Variants in QKI observed in about 807,000 individuals in gnomAD.
QKI encodes KH domain-containing RNA-binding protein QKI.
A neutral mutation model predicts 39.0 loss-of-function variants in QKI; 10 were observed. The ratio of observed to expected loss-of-function variants is 0.26; its 90% CI spans 0.16 to 0.43. The LOEUF (loss-of-function observed/expected upper bound fraction) is 0.43, where lower values mean the gene tolerates loss of function less well. QKI is among the 20% of genes least tolerant of loss of function. The pLI is 1.00. For missense variants in QKI, 218 were observed against 428.0 expected (o/e 0.51, Z 4.33); for synonymous variants, 204 against 155.4 (o/e 1.31, Z -2.33).
intron 3 of QKI, among the ~76,000 whole-genome samples, chr6:163,498,188 T>TTAA (rs577554473): frequency 8.0e-6 from 1 of 125,564 alleles, no homozygotes; most frequent in African/African-American, 3.0e-5. Context: ...GCAGCTGTGG[T>TTAA]AAAAAAAAAA....
chr6:163,570,118 G>A, intron 7 of QKI: 2 of 985,964 alleles, frequency 2.0e-6, no homozygotes, highest in Non-Finnish European at 2.4e-6. Flanking sequence ...AATTGAAAAA[G>A]CAATAAACAT....
intron 2 of QKI, among the ~76,000 whole-genome samples, chr6:163,460,538 C>T (rs531183133): frequency 3.4e-4 from 51 of 152,160 alleles, no homozygotes; most frequent in African/African-American, 1.1e-3. Context: ...AGCTTAGGCT[C>T]GTCATAGCTT....
chr6:163,578,301 G>A lies in QKI; in HGVS notation c.*7591G>A, dbSNP rs757672729. On this transcript the variant is annotated 3_prime_UTR_variant, in exon 8 of 8. Coordinates refer to ENST00000361752, the MANE Select transcript of QKI (RefSeq NM_006775.3). Reference sequence around the variant, plus strand: ...ATTTGCAAGTGAATCCACAATTCTTGCAGAACTATTTGAGTTGATACTAAA... The same window carrying A: ...ATTTGCAAGTGAATCCACAATTCTTACAGAACTATTTGAGTTGATACTAAA... 2 of 152,156 alleles carry A rather than the reference G, an allele frequency of 1.3e-5. No individual in the cohort carries two copies. Among genetic ancestry groups the A allele is most frequent in the East Asian group, 3.8e-4 (2 of 5,198 alleles). The allele number at this position is 152,156 out of a possible 1,614,324, so 9.4% of individuals were successfully genotyped here.
chr6:163,536,584 G>T (rs57945325), intron 4 of QKI, among the ~76,000 whole-genome samples: 1 of 152,030 alleles, frequency 6.6e-6, no homozygotes, highest in Non-Finnish European at 1.5e-5. Flanking sequence ...TATTGTTAGC[G>T]TCTTTTAAAT....
intron 1 of QKI, among the ~76,000 whole-genome samples, chr6:163,453,054 A>T (rs902591687): frequency 4.1e-5 from 6 of 146,332 alleles, no homozygotes; most frequent in Non-Finnish European, 6.0e-5. Context: ...TAATCTAGTC[A>T]TTTTATCTGA....
intron 1 of QKI, among the ~76,000 whole-genome samples, chr6:163,426,014 C>T (rs867183890): frequency 6.6e-6 from 1 of 152,126 alleles, no homozygotes; most frequent in African/African-American, 2.4e-5. Flanking sequence ...CATTCTATCC[C>T]TAGAGAGATA....
chr6:163,570,102 T>G, intron 7 of QKI: 3 of 986,126 alleles, frequency 3.0e-6, no homozygotes, highest in Non-Finnish European at 3.6e-6. Context: ...TGTTTGTAAA[T>G]AGAATAATTG....
intron 4 of QKI, among the ~76,000 whole-genome samples, chr6:163,549,207 A>AGG (rs201282075): frequency 1.3e-5 from 2 of 150,936 alleles, no homozygotes; most frequent in Non-Finnish European, 3.0e-5. Flanking sequence ...AGAGAGGTTG[A>AGG]GGGGGGGGAC....
Position 163,450,032 on chromosome 6 carries a change from C to CATATATATGTATATATGTGTAT in QKI, c.143-5234_143-5213dup, listed in dbSNP as rs909689376. On this transcript the variant is annotated intron_variant, in intron 1 of 7. Transcript: ENST00000361752. ...TATGTATAACATATATATACACACA[C>CATATATATGTATATATGTGTAT]ATATATATGTATATATGTGTATATA... Among the ~76,000 whole-genome samples the CATATATATGTATATATGTGTAT allele has an allele frequency of 2.6e-5, 4 of 151,668 alleles. No individual in the cohort carries two copies. In the South Asian group the frequency reaches 6.2e-4, roughly 24 times the overall value.
chr6:163,446,957 T>C (rs1299101369), intron 1 of QKI, among the ~76,000 whole-genome samples: 1 of 152,176 alleles, frequency 6.6e-6, no homozygotes, highest in African/African-American at 2.4e-5. Flanking sequence ...AGAAAAGGGC[T>C]AAAAAGACTT....
chr6:163,449,825 A>G (rs1021569610), intron 1 of QKI, among the ~76,000 whole-genome samples: 1 of 152,136 alleles, frequency 6.6e-6, no homozygotes, highest in South Asian at 2.1e-4. Flanking sequence ...ATGTATTTAT[A>G]TATTTTATGA....
chr6:163,481,253 G>A (rs898749668), intron 3 of QKI, among the ~76,000 whole-genome samples: 2 of 152,088 alleles, frequency 1.3e-5, no homozygotes, highest in Non-Finnish European at 2.9e-5. Flanking sequence ...ATATATATAT[G>A]TGTGTGCGTA....
intron 3 of QKI, among the ~76,000 whole-genome samples, chr6:163,487,235 A>G (rs1366733719): frequency 1.3e-5 from 2 of 152,054 alleles, no homozygotes; most frequent in Non-Finnish European, 2.9e-5. Flanking sequence ...AAAGACAAGT[A>G]GTGTAGTGAA....
chr6:163,436,571 T>C (rs963996395), intron 1 of QKI, among the ~76,000 whole-genome samples: 1 of 152,074 alleles, frequency 6.6e-6, no homozygotes, highest in Non-Finnish European at 1.5e-5. Context: ...CCCAGCACTT[T>C]GGGAGGCCGA....
At chr6:163,445,914 G>A (rs544057021) in intron 1 of QKI, among the ~76,000 whole-genome samples, 19 of 152,190 alleles carry the variant, frequency 1.2e-4, no homozygotes, top group Admixed American at 2.0e-4. Context: ...GAGCCCGACC[G>A]TTGTGGGGTA....
At chr6:163,544,267 G>T (rs1429121178) in intron 4 of QKI, among the ~76,000 whole-genome samples, 1 of 152,022 alleles carries the variant, frequency 6.6e-6, no homozygotes, top group Non-Finnish European at 1.5e-5. Flanking sequence ...ATAATCTAGA[G>T]ATGATTTAAA....
intron 7 of QKI, chr6:163,568,089 C>T (rs545468235): frequency 9.1e-6 from 9 of 985,304 alleles, no homozygotes; most frequent in Middle Eastern, 5.2e-4. Flanking sequence ...GGATGGTATT[C>T]CTTGTAAGTG....
At chr6:163,545,867 T>C (rs971045806) in intron 4 of QKI, among the ~76,000 whole-genome samples, 1 of 151,644 alleles carries the variant, frequency 6.6e-6, no homozygotes, top group Non-Finnish European at 1.5e-5. Context: ...CCCTAGGAAA[T>C]ATTTTTGCAT....
At chr6:163,457,767 G>T (rs776299895) in intron 2 of QKI, among the ~76,000 whole-genome samples, 3 of 151,922 alleles carry the variant, frequency 2.0e-5, no homozygotes, top group Admixed American at 6.6e-5. Context: ...GAATTAAACA[G>T]TGTCACTGGT....
Sources: gnomAD v4.1 joint callset for allele counts (sites outside exome capture counted in the v4.1 genomes callset) on GRCh38, gnomAD v4.1.1 for gene constraint, MANE v1.5 for transcripts, NCBI Gene and HGNC (gene_info 2026-07-23, HGNC 2026-07-21) for gene names.